Variants in VAV2 observed in about 807,000 individuals in gnomAD.
VAV2 encodes the protein guanine nucleotide exchange factor VAV2.
A neutral mutation model predicts 132.5 loss-of-function variants in VAV2; 67 were observed. That is an observed-to-expected ratio of 0.51 (90% CI 0.42 to 0.62). The LOEUF (loss-of-function observed/expected upper bound fraction) is 0.62, where lower values mean the gene tolerates loss of function less well. Among genes scored for constraint, VAV2 ranks in the 20% least tolerant of loss-of-function variants. The pLI, the probability that VAV2 is intolerant of heterozygous loss-of-function variation, is 0.00. For synonymous variants in VAV2, 492 were observed against 443.5 expected (o/e 1.11, Z -1.37); for missense variants, 938 against 1,153.6 (o/e 0.81, Z 2.71).
chr9:133,873,090 G>A (rs1027700800), intron 2 of VAV2, among the ~76,000 whole-genome samples: 6 of 134,010 alleles, frequency 4.5e-5, no homozygotes, highest in Admixed American at 7.7e-5. Flanking sequence ...TCCAGCCTGG[G>A]CGACAGAGGG....
intron 2 of VAV2, among the ~76,000 whole-genome samples, chr9:133,880,521 A>T (rs12001163): frequency 0.03 from 4,547 of 152,248 alleles, 203 homozygotes; most frequent in African/African-American, 0.1. Context: ...AATCTTGTAT[A>T]TGAAGAAGGG....
intron 19 of VAV2, among the ~76,000 whole-genome samples, chr9:133,782,892 G>T (rs1328240266): frequency 6.6e-6 from 1 of 152,148 alleles, no homozygotes; most frequent in Non-Finnish European, 1.5e-5. Flanking sequence ...AACCCCAAAG[G>T]TATGCCCCCG....
intron 16 of VAV2, among the ~76,000 whole-genome samples, chr9:133,786,754 C>T (rs1480501895): frequency 1.3e-5 from 2 of 152,190 alleles, no homozygotes; most frequent in African/African-American, 2.4e-5. Context: ...TCCGAGCTCT[C>T]GGACAAAGGG....
rs1834332769 is a variant in VAV2, at chr9:133,788,662, C to T, written c.1275-176G>A. Among the ~76,000 whole-genome samples, 1 of 152,176 alleles carries T rather than the reference C, an allele frequency of 6.6e-6. No homozygotes were observed. Among genetic ancestry groups the T allele is most frequent in the Non-Finnish European group, 1.5e-5 (1 of 68,024 alleles). The stretch of plus-strand genomic sequence containing the variant: ...CTCGGTCAGGTCTCGGCTGTTCCCA[C>T]ACTGCTTCTCCAGGAAGCCTTCCTT... On this transcript the variant is annotated intron_variant, in intron 14 of 29. Transcript: ENST00000371850. The surrounding 1 kb of genome is among the most constrained non-coding windows in gnomAD (Gnocchi z 5.3).
chr9:133,768,612 G>C lies in VAV2; in HGVS notation c.2435-16C>G. ...GGCGTGAACACTGTTGAGGGAGATG[G>C]GCAGCATCACACAGCTGCAGGAGGA... On this transcript the variant is annotated splice_polypyrimidine_tract_variant and intron_variant, in intron 28 of 29. Coordinates refer to ENST00000371850, the MANE Select transcript of VAV2 (RefSeq NM_001134398.2). The surrounding 1 kb of genome is among the most constrained non-coding windows in gnomAD (Gnocchi z 5.3). 1 of 1,611,544 alleles carries C rather than the reference G, an allele frequency of 6.2e-7. No individual in the cohort carries two copies. Among genetic ancestry groups the C allele is most frequent in the African/African-American group, 1.3e-5 (1 of 74,960 alleles).
chr9:133,875,979 C>T (rs562770785), intron 2 of VAV2, among the ~76,000 whole-genome samples: 73 of 152,354 alleles, frequency 4.8e-4, no homozygotes, highest in Admixed American at 1.4e-3. Flanking sequence ...TCACTCACTG[C>T]CCAGCGGGCA....
At position 133,840,820 on chromosome 9, in the gene VAV2, G is replaced by A. The variant is rs907568936; in HGVS notation, c.381-6480C>T. ...ACTTCTGTGAAAATCTGCTAGAAAC[G>A]ATGGCGTCTGCAGGGCACCACCTGT... On this transcript the variant is annotated intron_variant, in intron 3 of 29. Transcript: ENST00000371850. This position sits in a 1 kb window ranked among gnomAD's most constrained non-coding sequence, Gnocchi z 4.5. Among the ~76,000 whole-genome samples, 1 of 152,184 alleles carries A rather than the reference G, an allele frequency of 6.6e-6. No homozygotes were observed. Among genetic ancestry groups the A allele is most frequent in the Non-Finnish European group, 1.5e-5 (1 of 68,036 alleles).
chr9:133,937,539 AGTGT>A (rs71380264), intron 2 of VAV2, among the ~76,000 whole-genome samples: 19 of 148,568 alleles, frequency 1.3e-4, no homozygotes, highest in South Asian at 2.1e-4. Flanking sequence ...TGTGTGTGAG[AGTGT>A]GTGTGTGTGT....
rs1833322855 is a variant in VAV2 at position 133,763,292 on chromosome 9, G to A, written c.*770C>T. ...GCGCGGCCAGGCAGACACCTTCCCA[G>A]GACTCCAGAAAGGGCCTCTCAGAGA... On this transcript the variant is annotated 3_prime_UTR_variant, in exon 30 of 30. Coordinates refer to ENST00000371850, the MANE Select transcript of VAV2 (RefSeq NM_001134398.2). This position sits in a 1 kb window ranked among gnomAD's most constrained non-coding sequence, Gnocchi z 6.8. The A allele has an allele frequency of 6.6e-6, 1 of 152,248 alleles. No individual in the cohort carries two copies. Among genetic ancestry groups the A allele is most frequent in the African/African-American group, 2.4e-5 (1 of 41,450 alleles). The allele number at this position is 152,248 out of a possible 1,614,324, so 9.4% of individuals were successfully genotyped here. A position where few individuals can be genotyped will look rare whatever the true frequency, so the allele number is the denominator to read the frequency against.
intron 2 of VAV2, among the ~76,000 whole-genome samples, chr9:133,888,669 C>T (rs1202900946): frequency 1.3e-5 from 2 of 152,206 alleles, no homozygotes; most frequent in South Asian, 2.1e-4. Flanking sequence ...ATAAGACCAA[C>T]GTCCCCCAAA....
Position 133,768,835 on chromosome 9 carries a change from T to C in VAV2, c.2435-239A>G, listed in dbSNP as rs1833522607. The stretch of plus-strand genomic sequence containing the variant: ...CAAGTCCCTGCAATGAGGATGTTCT[T>C]AGGGACAAGAGCAGGTGCCCAGGCT... On this transcript the variant is annotated intron_variant, in intron 28 of 29. Coordinates refer to ENST00000371850, the MANE Select transcript of VAV2 (RefSeq NM_001134398.2). This position sits in a 1 kb window ranked among gnomAD's most constrained non-coding sequence, Gnocchi z 5.3. 6.6e-6 allele frequency among the ~76,000 whole-genome samples: 1 copy of C among 152,128 alleles called. No individual in the cohort carries two copies. The highest frequency in any genetic ancestry group is 2.4e-5 in the African/African-American group (1 of 41,436).
chr9:133,787,176 C>A, intron 16 of VAV2, 70 bp downstream of exon 16: 1 of 1,457,542 alleles, frequency 6.9e-7, no homozygotes, highest in Non-Finnish European at 9.1e-7. Flanking sequence ...CCCCTGGCTC[C>A]GGGCAGAAGT....
chr9:133,983,169 C>A (rs1230268612), intron 1 of VAV2, among the ~76,000 whole-genome samples: 3 of 152,176 alleles, frequency 2.0e-5, no homozygotes, highest in African/African-American at 4.8e-5. Context: ...CTGGCCCCAC[C>A]AGGTTGCCAA....
intron 3 of VAV2, among the ~76,000 whole-genome samples, chr9:133,848,082 C>A (rs1273386094): frequency 6.6e-6 from 1 of 152,042 alleles, no homozygotes; most frequent in African/African-American, 2.4e-5. Context: ...TCGAGACCAT[C>A]CTGGCTACCA....
chr9:133,834,386 C>T lies in VAV2; in HGVS notation c.381-46G>A, dbSNP rs760484326. Reference sequence around the variant, plus strand: ...GGGAGGTGAGCAGGTCCCGGCACTGCCGGCCAGTGGGACCCCAGCTGGACC... The same window carrying T: ...GGGAGGTGAGCAGGTCCCGGCACTGTCGGCCAGTGGGACCCCAGCTGGACC... On this transcript the variant is annotated intron_variant, in intron 3 of 29. Coordinates refer to ENST00000371850, the MANE Select transcript of VAV2 (RefSeq NM_001134398.2). This position sits in a 1 kb window ranked among gnomAD's most constrained non-coding sequence, Gnocchi z 5.9. The T allele has an allele frequency of 6.3e-7, 1 of 1,589,614 alleles. No individual in the cohort carries two copies. Among genetic ancestry groups the T allele is most frequent in the Non-Finnish European group, 8.6e-7 (1 of 1,166,074 alleles).
chr9:133,889,393 C>T (rs775023736), intron 2 of VAV2, among the ~76,000 whole-genome samples: 1 of 152,174 alleles, frequency 6.6e-6, no homozygotes. Context: ...CTCCTAAGAG[C>T]CTAGGAGTCA....
At position 133,799,463 on chromosome 9, in the gene VAV2, G is replaced by A. The variant is rs543368143; in HGVS notation, c.837-1654C>T. Among the ~76,000 whole-genome samples, 32 of 152,292 alleles carry A rather than the reference G, an allele frequency of 2.1e-4. No individual in the cohort carries two copies. In the South Asian group the frequency reaches 4.4e-3, roughly 21 times the overall value. On this transcript the variant is annotated intron_variant, in intron 9 of 29. Transcript: ENST00000371850. Reference sequence around the variant, plus strand: ...TCTGATAAAGGACCTGAATCTGCTCGAAGCTCACCTGACCCAGCCACAGTC... The same window carrying A: ...TCTGATAAAGGACCTGAATCTGCTCAAAGCTCACCTGACCCAGCCACAGTC...
At chr9:133,860,960 G>A (rs576838054) in intron 3 of VAV2, among the ~76,000 whole-genome samples, 11 of 152,306 alleles carry the variant, frequency 7.2e-5, no homozygotes, top group Non-Finnish European at 1.6e-4. Flanking sequence ...GCCCTGCACA[G>A]GGACCTGCAG....
chr9:133,789,226 G>A (rs370370983), intron 14 of VAV2, 32 bp downstream of exon 14: 67 of 1,609,976 alleles, frequency 4.2e-5, no homozygotes, highest in South Asian at 2.5e-4. Flanking sequence ...CTGGCGGGAC[G>A]CCACCCAGCC....
Sources: gnomAD v4.1 joint callset for allele counts (sites outside exome capture counted in the v4.1 genomes callset) on GRCh38, gnomAD v4.1.1 for gene constraint, Gnocchi (gnomAD v3.1) non-coding constraint, MANE v1.5 for transcripts, NCBI Gene and HGNC (gene_info 2026-07-23, HGNC 2026-07-21) for gene names.